The following MAP1B variants were observed in gnomAD, a reference collection of about 807,000 sequenced individuals.
The protein encoded by MAP1B is microtubule-associated protein 1B.
MAP1B carries 12 observed loss-of-function variants against 176.1 expected under a neutral mutation model. The observed-to-expected ratio is 0.07, with a 90% CI of 0.04 to 0.11. MAP1B has a LOEUF of 0.11. MAP1B is among the 10% of genes least tolerant of loss of function. The probability of loss-of-function intolerance (pLI) is 1.00; values close to 1 mark genes in which losing one functional copy is unlikely to be tolerated. For missense variants in MAP1B, 2,523 were observed against 2,990.5 expected (o/e 0.84, Z 3.65); for synonymous variants, 1,044 against 1,135.0 (o/e 0.92, Z 1.61).
intron 4 of MAP1B, chr5:72,193,442 G>T: frequency 3.4e-6 from 1 of 292,602 alleles, no homozygotes; most frequent in South Asian, 3.1e-5. Flanking sequence ...ATAGTTTAAC[G>T]TTTTTTTTTA....
chr5:72,197,345 T>C lies in MAP1B; in HGVS notation c.3990T>C (p.Ser1330=), dbSNP rs1251565929. ...VVSPSQSVTG[S]AGHTPYYQSP... is the part of the protein sequence containing the mutation. ...CACCATCTCAGTCCGTGACTGGCAGTGCTGGTCACACACCTTACTATCAAT... is the reference window on the plus strand; with the variant it reads ...CACCATCTCAGTCCGTGACTGGCAGCGCTGGTCACACACCTTACTATCAAT... Residue 1330 remains serine, a synonymous_variant, in exon 5 of 7, where the codon AGT becomes AGC. Transcript: ENST00000296755. The C allele has an allele frequency of 2.0e-5, 33 of 1,614,194 alleles. No individual in the cohort carries two copies. The East Asian group carries it at 7.1e-4, about 35-fold the overall frequency.
intron 1 of MAP1B, among the ~76,000 whole-genome samples, chr5:72,113,101 C>A (rs1253525532): frequency 6.6e-6 from 1 of 152,160 alleles, no homozygotes; most frequent in Non-Finnish European, 1.5e-5. Flanking sequence ...GCAATATGAA[C>A]CTTCATTAAC....
chr5:72,148,423 A>G (rs2112162655), intron 2 of MAP1B, among the ~76,000 whole-genome samples: 2 of 152,310 alleles, frequency 1.3e-5, no homozygotes, highest in Middle Eastern at 6.8e-3. Context: ...CCTTGATGTT[A>G]CCCTGCCAGT....
In MAP1B at chr5:72,186,878, A is replaced by T; in HGVS notation, c.510+124A>T. The stretch of plus-strand genomic sequence containing the variant: ...CCTCACAGCTCTCCTGAAATAAGCA[A>T]AACTGCATGATCCAAAATACTTTAT... On this transcript the variant is annotated intron_variant, in intron 4 of 6. Transcript: ENST00000296755. This position sits in a 1 kb window ranked among gnomAD's most constrained non-coding sequence, Gnocchi z 4.3. 9.4e-7 allele frequency: 1 copy of T among 1,065,800 alleles called. No individual in the cohort carries two copies. The highest frequency in any genetic ancestry group is 1.4e-6 in the Non-Finnish European group (1 of 727,990). 66.0% of individuals were successfully genotyped at this position (1,065,800 alleles called of 1,614,324 possible).
Position 72,194,018 on chromosome 5 carries a change from A to T in MAP1B, c.663A>T (p.Pro221=). The change falls in exon 5 of 7, where the codon CCA becomes CCT. Residue 221 remains proline (P), a synonymous_variant. Transcript: ENST00000296755. The surrounding 1 kb of genome is among the most constrained non-coding windows in gnomAD (Gnocchi z 7.2). ...AACTCAATTCAGCTTCTATCTTGCC[A>T]GAAATGGAAGGACTTTCTGAGTTTA... is the stretch of plus-strand genomic sequence containing the variant. ...NIKLNSASIL[P]EMEGLSEFTE... is the part of the protein sequence containing the mutation. 1 of 1,614,234 alleles carries T rather than the reference A, an allele frequency of 6.2e-7. No homozygotes were observed. The highest frequency in any genetic ancestry group is 1.3e-5 in the African/African-American group (1 of 75,064).
intron 2 of MAP1B, among the ~76,000 whole-genome samples, chr5:72,165,183 A>G (rs991443027): frequency 6.6e-6 from 1 of 152,034 alleles, no homozygotes; most frequent in Admixed American, 6.5e-5. Flanking sequence ...TAGTCACCCA[A>G]TTTGCTTTTT....
chr5:72,115,106 C>G (rs1401440191), intron 1 of MAP1B, among the ~76,000 whole-genome samples: 1 of 152,160 alleles, frequency 6.6e-6, no homozygotes, highest in Non-Finnish European at 1.5e-5. Context: ...TGGATCCACT[C>G]TGTTTATCAA....
At chr5:72,166,874 G>C (rs553133163) in intron 2 of MAP1B, among the ~76,000 whole-genome samples, 1 of 152,186 alleles carries the variant, frequency 6.6e-6, no homozygotes, top group East Asian at 1.9e-4. Flanking sequence ...GCTTCTTCCC[G>C]TTGGCAAATG....
At chr5:72,160,893 A>T (rs1746314474) in intron 2 of MAP1B, among the ~76,000 whole-genome samples, 1 of 152,210 alleles carries the variant, frequency 6.6e-6, no homozygotes, top group South Asian at 2.1e-4. Context: ...TGTTACCTGG[A>T]TGAATGAGAG....
At chr5:72,156,133 CA>C (rs1292487392) in intron 2 of MAP1B, among the ~76,000 whole-genome samples, 1 of 152,104 alleles carries the variant, frequency 6.6e-6, no homozygotes, top group African/African-American at 2.4e-5. Flanking sequence ...TCCTGCTTCT[CA>C]CCTCCTCTCC....
At chr5:72,168,060 G>A (rs188697372) in intron 2 of MAP1B, among the ~76,000 whole-genome samples, 3 of 152,228 alleles carry the variant, frequency 2.0e-5, no homozygotes, top group African/African-American at 7.2e-5. Context: ...AGCTCCTGTC[G>A]CTTGGCCAAG....
Position 72,194,301 on chromosome 5 carries a change from A to G in MAP1B, c.946A>G (p.Asn316Asp). The change falls in exon 5 of 7, where the codon AAT (asparagine) becomes GAT (aspartate). Residue 316 changes from asparagine to aspartate, a missense_variant. This residue lies in a region of MAP1B where 307 missense variants were observed against 438.4 expected (regional missense o/e 0.70). Transcript: ENST00000296755. The surrounding 1 kb of genome is among the most constrained non-coding windows in gnomAD (Gnocchi z 7.2). ...CCTGCTCACCCACATTGGGGATGAC[A>G]ATTTGCCTGGAATAAACAGCATGTT... ...SILLTHIGDD[N>D]LPGINSMLQR... 3 of 1,614,226 alleles carry G rather than the reference A, an allele frequency of 1.9e-6. No homozygotes were observed. The highest frequency in any genetic ancestry group is 2.5e-6 in the Non-Finnish European group (3 of 1,180,050).
At chr5:72,110,953 G>A (rs1373167245) in intron 1 of MAP1B, among the ~76,000 whole-genome samples, 1 of 152,132 alleles carries the variant, frequency 6.6e-6, no homozygotes, top group African/African-American at 2.4e-5. Flanking sequence ...AACTATATTC[G>A]GAAAGCATAA....
intron 2 of MAP1B, among the ~76,000 whole-genome samples, chr5:72,159,193 G>GA (rs1323544083): frequency 1.3e-5 from 2 of 151,634 alleles, no homozygotes; most frequent in African/African-American, 4.8e-5. Flanking sequence ...AAGACTGGAA[G>GA]AAAAAAAACA....
intron 2 of MAP1B, among the ~76,000 whole-genome samples, chr5:72,132,875 T>C (rs1745760067): frequency 6.6e-6 from 1 of 152,154 alleles, no homozygotes; most frequent in South Asian, 2.1e-4. Context: ...TAGAGCTCTG[T>C]TTGTTTCCTC....
intron 2 of MAP1B, among the ~76,000 whole-genome samples, chr5:72,142,845 CTG>C (rs1336516881): frequency 6.6e-6 from 1 of 151,956 alleles, no homozygotes; most frequent in African/African-American, 2.4e-5. Flanking sequence ...ACATTTTCGA[CTG>C]TGTTTTTTAT....
chr5:72,190,715 AAGC>A (rs2112225869), intron 4 of MAP1B, among the ~76,000 whole-genome samples: 1 of 152,360 alleles, frequency 6.6e-6, no homozygotes, highest in East Asian at 1.9e-4. Context: ...GGTTGACATT[AAGC>A]AGCACTATTT....
intron 2 of MAP1B, among the ~76,000 whole-genome samples, chr5:72,181,660 T>A (rs1746768619): frequency 6.6e-6 from 1 of 151,808 alleles, no homozygotes; most frequent in Admixed American, 6.6e-5. Context: ...TGGGCTCCAT[T>A]GATTCTCCTG....
chr5:72,122,114 G>C (rs746710929), intron 2 of MAP1B, among the ~76,000 whole-genome samples: 1 of 152,184 alleles, frequency 6.6e-6, no homozygotes, highest in Non-Finnish European at 1.5e-5. Context: ...ATTCGTTAAG[G>C]TAACCAGATC....
Sources: allele counts gnomAD v4.1 joint callset (sites outside exome capture counted in the v4.1 genomes callset), GRCh38; gene constraint gnomAD v4.1.1; regional missense constraint gnomAD v4.1.1; non-coding constraint Gnocchi (gnomAD v3.1); transcripts MANE v1.5; gene names NCBI Gene and HGNC (gene_info 2026-07-23, HGNC 2026-07-21).